The following BLOC1S3 variants were observed in gnomAD, a reference collection of about 807,000 sequenced individuals.
BLOC1S3 encodes biogenesis of lysosome-related organelles complex 1 subunit 3.
A neutral mutation model predicts 9.1 loss-of-function variants in BLOC1S3; 7 were observed. That is an observed-to-expected ratio of 0.77 (90% CI 0.44 to 1.45). BLOC1S3 has a LOEUF of 1.45. Ranked by LOEUF, BLOC1S3 falls within the 40% of genes most tolerant of loss-of-function variation. BLOC1S3 has a pLI of 0.01. For synonymous variants in BLOC1S3, 145 were observed against 158.4 expected (o/e 0.92, Z 0.64); for missense variants, 307 against 315.2 (o/e 0.97, Z 0.20).
chr19:45,198,360 C>T (rs866833929), intron 2 of BLOC1S3, among the ~76,000 whole-genome samples: 1 of 152,232 alleles, frequency 6.6e-6, no homozygotes, highest in East Asian at 1.9e-4. Context: ...GGTGCGAGCT[C>T]GGCTCACTGC....
intron 2 of BLOC1S3, among the ~76,000 whole-genome samples, chr19:45,198,371 A>C (rs1969664838): frequency 6.6e-6 from 1 of 152,176 alleles, no homozygotes; most frequent in Admixed American, 6.6e-5. Context: ...GGCTCACTGC[A>C]ACCTCCGCCT....
rs549339511 is a variant in BLOC1S3 at position 45,212,063 on chromosome 19, C to T, written n.283-4613C>T. On this transcript the variant is annotated intron_variant and non_coding_transcript_variant, in intron 3 of 3. Transcript: ENST00000591569. Reference sequence around the variant, plus strand: ...TTCCTCTCCTGACAGGGCAGCTTCCCGGCTAAGGATGGATGGGGAGGGTGT... The same window carrying T: ...TTCCTCTCCTGACAGGGCAGCTTCCTGGCTAAGGATGGATGGGGAGGGTGT... Among the ~76,000 whole-genome samples, 7 of 152,270 alleles carry T rather than the reference C, an allele frequency of 4.6e-5. No individual in the cohort carries two copies. The South Asian group carries it at 8.3e-4, about 18-fold the overall frequency.
Position 45,180,153 on chromosome 19 carries a change from T to A in BLOC1S3, c.*248T>A. 1 of 431,622 alleles carries A rather than the reference T, an allele frequency of 2.3e-6. No individual in the cohort carries two copies. The highest frequency in any genetic ancestry group is 3.9e-5 in the East Asian group (1 of 25,884). 26.7% of individuals were successfully genotyped at this position (431,622 alleles called of 1,614,324 possible). The stretch of plus-strand genomic sequence containing the variant: ...TCCCGATCCTGACCCTGCCGCCTGG[T>A]TCTGAGCCTTCCCCTGGGGCTTGGC... On this transcript the variant is annotated 3_prime_UTR_variant, in exon 2 of 2. Coordinates refer to ENST00000433642, the MANE Select transcript of BLOC1S3 (RefSeq NM_212550.5).
chr19:45,210,289 CTTTTTTTTT>C lies in BLOC1S3; in HGVS notation n.283-6367_283-6359del, dbSNP rs71173125. Reference sequence around the variant, plus strand: ...ATATACATAAAATTTACTATTTTAACTTTTTTTTTTTTTTTTTTTTTTTTTTTTGAGATG... The same window carrying C: ...ATATACATAAAATTTACTATTTTAACTTTTTTTTTTTTTTTTTTTGAGATG... On this transcript the variant is annotated intron_variant and non_coding_transcript_variant, in intron 3 of 3. Coordinates refer to the BLOC1S3 transcript ENST00000591569. 2.1e-3 allele frequency among the ~76,000 whole-genome samples: 154 copies of C among 74,428 alleles called. 1 individual carries two copies. The highest frequency in any genetic ancestry group is 7.6e-3 in the African/African-American group (142 of 18,702). The allele number at this position is 74,428 out of a possible 152,430, so 48.8% of individuals were successfully genotyped here. A position where few individuals can be genotyped will look rare whatever the true frequency, so the allele number is the denominator to read the frequency against.
chr19:45,207,127 G>C (rs1054672014), intron 3 of BLOC1S3, among the ~76,000 whole-genome samples: 1 of 151,008 alleles, frequency 6.6e-6, no homozygotes, highest in Non-Finnish European at 1.5e-5. Context: ...GTAAGCCACC[G>C]CGCCCAGCTA....
chr19:45,216,475 AG>A (rs1405351528), intron 3 of BLOC1S3, among the ~76,000 whole-genome samples: 2 of 152,184 alleles, frequency 1.3e-5, no homozygotes, highest in African/African-American at 4.8e-5. Context: ...ACTACTCAGG[AG>A]GCTGAAGCAG....
intron 3 of BLOC1S3, among the ~76,000 whole-genome samples, chr19:45,205,367 A>G (rs1414224295): frequency 1.3e-5 from 2 of 152,008 alleles, no homozygotes; most frequent in Non-Finnish European, 2.9e-5. Context: ...AGGTTTCACT[A>G]TGTTGGCCAG....
At chr19:45,215,017 G>GT (rs1203868606) in intron 3 of BLOC1S3, among the ~76,000 whole-genome samples, 1 of 151,878 alleles carries the variant, frequency 6.6e-6, no homozygotes, top group African/African-American at 2.4e-5. Context: ...TTAGCCGGGC[G>GT]TGGTGGCACA....
rs1198747097 is a variant in BLOC1S3 at position 45,180,052 on chromosome 19, A to G, written c.*147A>G. ...ATGGGGGCTAATCCGGTCCCCTTGG[A>G]TAATGCTTTATATTGGATATAGTTC... is the stretch of plus-strand genomic sequence containing the variant. On this transcript the variant is annotated 3_prime_UTR_variant, in exon 2 of 2. Transcript: ENST00000433642. 1.2e-6 allele frequency: 1 copy of G among 837,130 alleles called. No individual in the cohort carries two copies. The highest frequency in any genetic ancestry group is 3.1e-5 in the Admixed American group (1 of 32,372). 51.9% of individuals were successfully genotyped at this position (837,130 alleles called of 1,614,324 possible).
chr19:45,209,987 C>G (rs187308584), intron 3 of BLOC1S3, among the ~76,000 whole-genome samples: 11 of 151,778 alleles, frequency 7.2e-5, no homozygotes, highest in Non-Finnish European at 1.3e-4. Context: ...ACCTCAGCCA[C>G]CTCCCAAAGT....
At chr19:45,183,629 T>C (rs1209304859), downstream of BLOC1S3, among the ~76,000 whole-genome samples, 690 of 135,838 alleles carry the variant, frequency 5.1e-3, 4 homozygotes, top group African/African-American at 0.018. Context: ...TTTTCTTTTT[T>C]TTTTTTTTTT....
At chr19:45,206,391 G>C (rs1969725641) in intron 3 of BLOC1S3, among the ~76,000 whole-genome samples, 1 of 135,788 alleles carries the variant, frequency 7.4e-6, no homozygotes, top group Non-Finnish European at 1.6e-5. Flanking sequence ...TATTTTCATG[G>C]TTTTTCCTGA....
intron 3 of BLOC1S3, among the ~76,000 whole-genome samples, chr19:45,213,984 C>T (rs1969807023): frequency 6.6e-6 from 1 of 151,680 alleles, no homozygotes; most frequent in Non-Finnish European, 1.5e-5. Flanking sequence ...AACCTTGTAC[C>T]CCACTCCCCC....
At position 45,180,580 on chromosome 19, in the gene BLOC1S3, T is replaced by C. The variant is rs1333807757; in HGVS notation, c.*675T>C. ...GGGCTCTGCTCTGCCTTTCTGAGTT[T>C]GGTTTCTGCTTATGGTGGGGAGCTT... On this transcript the variant is annotated 3_prime_UTR_variant, in exon 2 of 2. Coordinates refer to ENST00000433642, the MANE Select transcript of BLOC1S3 (RefSeq NM_212550.5). The C allele has an allele frequency of 6.0e-6, 1 of 167,042 alleles. No homozygotes were observed. The highest frequency in any genetic ancestry group is 1.5e-5 in the Non-Finnish European group (1 of 68,232). The allele number at this position is 167,042 out of a possible 1,614,324, so 10.3% of individuals were successfully genotyped here. A position where few individuals can be genotyped will look rare whatever the true frequency, so the allele number is the denominator to read the frequency against.
chr19:45,180,102 C>T lies in BLOC1S3; in HGVS notation c.*197C>T. ...CAACCCCTACTGCGGAGACCAGGGC[C>T]CCACTATCCTTAGATCTGGTTCCTC... On this transcript the variant is annotated 3_prime_UTR_variant, in exon 2 of 2. Coordinates refer to ENST00000433642, the MANE Select transcript of BLOC1S3 (RefSeq NM_212550.5). 2 of 574,184 alleles carry T rather than the reference C, an allele frequency of 3.5e-6. No individual in the cohort carries two copies. The highest frequency in any genetic ancestry group is 5.9e-6 in the Non-Finnish European group (2 of 337,882). 35.6% of individuals were successfully genotyped at this position (574,184 alleles called of 1,614,324 possible).
At chr19:45,200,550 C>A (rs1366815765) in intron 2 of BLOC1S3, among the ~76,000 whole-genome samples, 1 of 152,062 alleles carries the variant, frequency 6.6e-6, no homozygotes, top group Non-Finnish European at 1.5e-5. Flanking sequence ...ATTCTGAATC[C>A]CTTCTCTGTG....
intron 2 of BLOC1S3, among the ~76,000 whole-genome samples, chr19:45,189,014 TG>T (rs1010870872): frequency 5.9e-5 from 9 of 152,154 alleles, no homozygotes; most frequent in African/African-American, 2.2e-4. Flanking sequence ...TTCACCATGT[TG>T]GCCTGGCTAG....
intron 3 of BLOC1S3, among the ~76,000 whole-genome samples, chr19:45,213,617 T>C (rs1969802464): frequency 6.6e-6 from 1 of 152,032 alleles, no homozygotes; most frequent in Non-Finnish European, 1.5e-5. Context: ...CCTGGGATCT[T>C]CCTTTTCACC....
At chr19:45,207,555 CAAAAAAAAAAA>C (rs58164218) in intron 3 of BLOC1S3, among the ~76,000 whole-genome samples, 68 of 64,780 alleles carry the variant, frequency 1.0e-3, no homozygotes, top group Non-Finnish European at 1.8e-3. Flanking sequence ...GACTCTGTCT[CAAAAAAAAAAA>C]AAAAAAAAAA....
Sources: allele counts gnomAD v4.1 joint callset (sites outside exome capture counted in the v4.1 genomes callset), GRCh38; gene constraint gnomAD v4.1.1; transcripts MANE v1.5; gene names NCBI Gene and HGNC (gene_info 2026-07-23, HGNC 2026-07-21).